Variants in STARD6 observed in about 807,000 individuals in gnomAD.
The protein encoded by STARD6 is StAR related lipid transfer domain containing 6, also known as stAR-related lipid transfer protein 6.
A neutral mutation model predicts 22.3 loss-of-function variants in STARD6; 21 were observed. The ratio of observed to expected loss-of-function variants is 0.94; its 90% CI spans 0.67 to 1.35. The LOEUF is 1.35. STARD6 is among the 40% of genes most tolerant of loss of function. The pLI is 0.00. For missense variants in STARD6, 269 were observed against 266.9 expected (o/e 1.01, Z -0.05); for synonymous variants, 80 against 88.1 (o/e 0.91, Z 0.52).
At chr18:54,345,451 T>C (rs1274152974) in intron 4 of STARD6, among the ~76,000 whole-genome samples, 1 of 152,178 alleles carries the variant, frequency 6.6e-6, no homozygotes, top group East Asian at 1.9e-4. Context: ...CCTATGTTCA[T>C]GTACTGGAAG....
intron 4 of STARD6, among the ~76,000 whole-genome samples, chr18:54,348,401 A>C (rs1274808285): frequency 1.3e-5 from 2 of 152,134 alleles, no homozygotes; most frequent in Non-Finnish European, 2.9e-5. Context: ...GCCAGAATCC[A>C]TCTCTGGATA....
At chr18:54,339,501 T>C (rs1195847751) in intron 4 of STARD6, among the ~76,000 whole-genome samples, 2 of 147,190 alleles carry the variant, frequency 1.4e-5, no homozygotes, top group African/African-American at 5.0e-5. Flanking sequence ...AGGCATTACA[T>C]AGAAGAGAAC....
rs765417640 is a variant in STARD6 at position 54,354,097 on chromosome 18, T to C, written c.97A>G (p.Ile33Val). 1 of 1,560,312 alleles carries C rather than the reference T, an allele frequency of 6.4e-7. No homozygotes were observed. The highest frequency in any genetic ancestry group is 8.7e-7 in the Non-Finnish European group (1 of 1,150,142). Residue 33 changes from isoleucine to valine, a missense_variant, in exon 4 of 8, where the codon ATA becomes GTA. By Grantham distance (29) the Ile-to-Val change is conservative. Coordinates refer to ENST00000307844, the MANE Select transcript of STARD6 (RefSeq NM_139171.2). ...GWKVVKTSKK[I>V]TVSSKASRKF... ...CTAGAAGCCTTACTGGAAACAGTTA[T>C]CTTTTTCTCAAAGGGGAATAAAAAT...
Position 54,333,996 on chromosome 18 carries a change from G to C in STARD6, c.268-2137C>G, listed in dbSNP as rs558478419. ...AAGTTATTATTAGCCAAAAATCTAG[G>C]ACTCATTTTTAAAAACAGCTTATTG... On this transcript the variant is annotated intron_variant, in intron 5 of 7. Transcript: ENST00000307844. Among the ~76,000 whole-genome samples, 3 of 152,114 alleles carry C rather than the reference G, an allele frequency of 2.0e-5. No individual in the cohort carries two copies. In the South Asian group the frequency reaches 6.2e-4, roughly 32 times the overall value.
intron 4 of STARD6, among the ~76,000 whole-genome samples, chr18:54,342,060 C>G (rs886581634): frequency 1.3e-5 from 2 of 152,164 alleles, no homozygotes; most frequent in African/African-American, 2.4e-5. Flanking sequence ...CAACTAAAAT[C>G]AAGACTGACC....
At chr18:54,352,930 G>A (rs1462512470) in intron 4 of STARD6, among the ~76,000 whole-genome samples, 1 of 152,166 alleles carries the variant, frequency 6.6e-6, no homozygotes, top group Non-Finnish European at 1.5e-5. Context: ...TTATCCAAAA[G>A]TTAATTCCCC....
intron 4 of STARD6, among the ~76,000 whole-genome samples, chr18:54,352,140 TC>T (rs2089104169): frequency 1.3e-5 from 2 of 151,706 alleles, no homozygotes; most frequent in African/African-American, 2.4e-5. Context: ...TTTTTTTTTT[TC>T]AGATTTTCTA....
chr18:54,355,073 G>T (rs938530193), intron 2 of STARD6, among the ~76,000 whole-genome samples: 1 of 152,138 alleles, frequency 6.6e-6, no homozygotes, highest in Non-Finnish European at 1.5e-5. Context: ...TTTAAAGTGC[G>T]TAGCAGTGGC....
At chr18:54,335,625 C>T (rs2088903612) in intron 5 of STARD6, among the ~76,000 whole-genome samples, 1 of 151,968 alleles carries the variant, frequency 6.6e-6, no homozygotes, top group African/African-American at 2.4e-5. Context: ...AATTTGTGTC[C>T]CTGCCCAAAT....
At chr18:54,335,538 T>C (rs576844152) in intron 5 of STARD6, among the ~76,000 whole-genome samples, 22 of 152,248 alleles carry the variant, frequency 1.4e-4, no homozygotes, top group Middle Eastern at 3.4e-3. Context: ...AAATGAGATA[T>C]CTATAGTGTG....
chr18:54,331,918 GT>G (rs2144669001), intron 5 of STARD6, 59 bp from the exon 6 acceptor site: 8 of 1,234,596 alleles, frequency 6.5e-6, no homozygotes, highest in South Asian at 5.9e-5. Context: ...TCTTTGTATT[GT>G]TTCCCCCCCA....
intron 4 of STARD6, among the ~76,000 whole-genome samples, chr18:54,353,415 T>C (rs1477007317): frequency 6.6e-6 from 1 of 152,236 alleles, no homozygotes; most frequent in Non-Finnish European, 1.5e-5. Context: ...ACACCTGTAA[T>C]CCCAGCACTT....
intron 5 of STARD6, among the ~76,000 whole-genome samples, chr18:54,332,493 A>G (rs564675486): frequency 6.6e-6 from 1 of 152,250 alleles, no homozygotes; most frequent in African/African-American, 2.4e-5. Flanking sequence ...AGTCAATCAC[A>G]TTCTTCTACA....
In STARD6 at chr18:54,340,009, T is replaced by C. The variant is rs192242567; in HGVS notation, c.141-2758A>G. Among the ~76,000 whole-genome samples the C allele has an allele frequency of 1.2e-3, 182 of 152,074 alleles. 1 individual carries two copies. The highest frequency in any genetic ancestry group is 4.3e-3 in the African/African-American group (180 of 41,502). On this transcript the variant is annotated intron_variant, in intron 4 of 7. Coordinates refer to ENST00000307844, the MANE Select transcript of STARD6 (RefSeq NM_139171.2). ...AAATAACAGCAGATAGTAACTCAAA[T>C]CCACAGAAACCAATGAAGAGAACCA...
rs1035978508 is a variant in STARD6, at chr18:54,341,202, G to A, written c.141-3951C>T. Among the ~76,000 whole-genome samples, 6 of 152,004 alleles carry A rather than the reference G, an allele frequency of 3.9e-5. No individual in the cohort carries two copies. The East Asian group carries it at 1.2e-3, about 29-fold the overall frequency. On this transcript the variant is annotated intron_variant, in intron 4 of 7. Transcript: ENST00000307844. Reference sequence around the variant, plus strand: ...AGCCTGCCAAGTAGCTGGGACTAGAGGCGCCCGCCACTGCGCCCGGCTAAT... The same window carrying A: ...AGCCTGCCAAGTAGCTGGGACTAGAAGCGCCCGCCACTGCGCCCGGCTAAT...
intron 5 of STARD6, among the ~76,000 whole-genome samples, chr18:54,336,262 A>T (rs1787839): frequency 0.068 from 10,377 of 152,178 alleles, 406 homozygotes; most frequent in African/African-American, 0.091. Context: ...CCTTACTTTA[A>T]CTTTACTGAT....
chr18:54,351,379 T>G (rs1440992086), intron 4 of STARD6, among the ~76,000 whole-genome samples: 10 of 152,204 alleles, frequency 6.6e-5, no homozygotes, highest in African/African-American at 9.6e-5. Context: ...GATGAGTCAT[T>G]AGGGTTTTAT....
At chr18:54,340,100 T>C (rs566381875) in intron 4 of STARD6, among the ~76,000 whole-genome samples, 2 of 152,266 alleles carry the variant, frequency 1.3e-5, no homozygotes, top group Non-Finnish European at 2.9e-5. Flanking sequence ...TTCTTACGGA[T>C]ATATATGTGT....
At chr18:54,354,685 T>G in intron 2 of STARD6, 108 bp from the exon 3 acceptor site, 2 of 738,500 alleles carry the variant, frequency 2.7e-6, no homozygotes, top group Admixed American at 2.7e-5. Context: ...CACATAGAAA[T>G]GAACATAATT....
Sources: allele counts gnomAD v4.1 joint callset (sites outside exome capture counted in the v4.1 genomes callset), GRCh38; gene constraint gnomAD v4.1.1; transcripts MANE v1.5; gene names NCBI Gene and HGNC (gene_info 2026-07-23, HGNC 2026-07-21).